Variants in MYLK4 observed in about 807,000 individuals in gnomAD.
The protein encoded by MYLK4 is myosin light chain kinase family member 4.
Under a neutral mutation model 48.1 loss-of-function variants are expected in MYLK4, and 46 were observed. That is an observed-to-expected ratio of 0.96 (90% CI 0.75 to 1.22). MYLK4 has a LOEUF of 1.22. Ranked by LOEUF, MYLK4 falls within the 50% of genes most tolerant of loss-of-function variation. The pLI, the probability that MYLK4 is intolerant of heterozygous loss-of-function variation, is 0.00. For synonymous variants in MYLK4, 170 were observed against 180.8 expected, an observed-to-expected ratio of 0.94 and a Z score of 0.48; for missense variants, 451 against 486.1, an observed-to-expected ratio of 0.93 and a Z score of 0.68.
chr6:2,765,056 C>G, the MYLK4 span, among the ~76,000 whole-genome samples: 1 of 152,132 alleles, frequency 6.6e-6, no homozygotes, highest in African/African-American at 2.4e-5. Context: ...GAAAGCGGCG[C>G]TCGCCGCTCC....
At chr6:2,731,248 T>C (rs1763468919) in intron 2 of MYLK4, among the ~76,000 whole-genome samples, 1 of 146,652 alleles carries the variant, frequency 6.8e-6, no homozygotes, top group Non-Finnish European at 1.5e-5. Context: ...AATGAACTTT[T>C]AGGGGTGACA....
intron 3 of MYLK4, among the ~76,000 whole-genome samples, chr6:2,692,311 T>A (rs1051068630): frequency 1.3e-5 from 2 of 152,212 alleles, no homozygotes; most frequent in Non-Finnish European, 2.9e-5. Context: ...TCTTTTTGTG[T>A]GAAATATGGC....
chr6:2,697,814 G>A (rs766635641), intron 2 of MYLK4, among the ~76,000 whole-genome samples: 32 of 152,190 alleles, frequency 2.1e-4, no homozygotes, highest in Middle Eastern at 3.2e-3. Flanking sequence ...GCTGGCATAC[G>A]GACCCTTCTC....
intron 2 of MYLK4, 31 bp downstream of exon 2, chr6:2,749,105 T>C: frequency 6.3e-7 from 1 of 1,599,662 alleles, no homozygotes; most frequent in South Asian, 1.1e-5. Flanking sequence ...GAATGAATAC[T>C]TTTTAGGAGA....
intron 2 of MYLK4, among the ~76,000 whole-genome samples, chr6:2,721,445 T>C (rs1030495126): frequency 6.6e-6 from 1 of 152,208 alleles, no homozygotes; most frequent in Non-Finnish European, 1.5e-5. Flanking sequence ...GACCAGATTG[T>C]AGGGGATCCA....
At chr6:2,759,052 G>A in the MYLK4 span, among the ~76,000 whole-genome samples, 3 of 152,292 alleles carry the variant, frequency 2.0e-5, no homozygotes, top group Admixed American at 2.0e-4. Context: ...TCTATTGGGT[G>A]TGCAATAGCA....
Position 2,692,815 on chromosome 6 carries a change from G to A in MYLK4, c.204C>T (p.Pro68=), listed in dbSNP as rs55842034. Reference sequence around the variant, plus strand: ...GGGCTGATGTCCTTTTGCTTTTGACGGGCATCCTTTCCGTCAGGTCGGCGT... The same window carrying A: ...GGGCTGATGTCCTTTTGCTTTTGACAGGCATCCTTTCCGTCAGGTCGGCGT... ...WSNADLTERM[P]VKSKRTSALA... Residue 68 remains proline, a synonymous_variant, in exon 3 of 13, where the codon CCC becomes CCT. Transcript: ENST00000274643. 2,746 of 1,613,616 alleles carry A rather than the reference G, an allele frequency of 1.7e-3. 39 individuals are homozygous for A. The African/African-American group carries it at 0.033, about 19-fold the overall frequency.
At chr6:2,708,816 T>G (rs1762578936) in intron 2 of MYLK4, among the ~76,000 whole-genome samples, 1 of 152,204 alleles carries the variant, frequency 6.6e-6, no homozygotes, top group Non-Finnish European at 1.5e-5. Flanking sequence ...TATTCTCTCA[T>G]AGCCTTGAAC....
intron 8 of MYLK4, 101 bp from the exon 9 acceptor site, chr6:2,679,509 G>T: frequency 2.2e-6 from 3 of 1,388,208 alleles, no homozygotes; most frequent in South Asian, 2.3e-5. Context: ...CAGCCATACA[G>T]CAAACTTCAG....
chr6:2,759,719 C>G, the MYLK4 span, among the ~76,000 whole-genome samples: 6 of 152,314 alleles, frequency 3.9e-5, no homozygotes, highest in South Asian at 1.2e-3. Context: ...CCTTTCCCCT[C>G]ATCAATGATG....
chr6:2,763,344 C>G, the MYLK4 span, among the ~76,000 whole-genome samples: 1 of 152,242 alleles, frequency 6.6e-6, no homozygotes, highest in East Asian at 1.9e-4. Context: ...CTGCATTGCT[C>G]AGCTCTGGGG....
At chr6:2,766,895 G>A in the MYLK4 span, among the ~76,000 whole-genome samples, 1 of 151,870 alleles carries the variant, frequency 6.6e-6, no homozygotes, top group Non-Finnish European at 1.5e-5. Flanking sequence ...ATTCTGTTGT[G>A]CTTCCTTCCT....
chr6:2,718,469 TA>T (rs948127778), intron 2 of MYLK4, among the ~76,000 whole-genome samples: 2 of 152,190 alleles, frequency 1.3e-5, no homozygotes, highest in African/African-American at 4.8e-5. Context: ...ATAAAAATTA[TA>T]AAAACCTTTC....
intron 12 of MYLK4, among the ~76,000 whole-genome samples, chr6:2,670,368 A>AAAACAAAC (rs10612556): frequency 0.33 from 50,446 of 150,634 alleles, 8,985 homozygotes; most frequent in Non-Finnish European, 0.37. Flanking sequence ...TCTATCTCAA[A>AAAACAAAC]AAACAAACAA....
chr6:2,763,957 C>T, the MYLK4 span, among the ~76,000 whole-genome samples: 14 of 152,256 alleles, frequency 9.2e-5, no homozygotes, highest in African/African-American at 3.4e-4. Flanking sequence ...GGAAGAAACC[C>T]CGTCTGTACT....
At chr6:2,722,972 T>C (rs1763124388) in intron 2 of MYLK4, among the ~76,000 whole-genome samples, 1 of 152,156 alleles carries the variant, frequency 6.6e-6, no homozygotes, top group Admixed American at 6.5e-5. Flanking sequence ...TACCAGCTTC[T>C]CATATTTTTG....
rs542813212 is a variant in MYLK4 at position 2,672,523 on chromosome 6, T to C, written c.1120-1175A>G. Reference sequence around the variant, plus strand: ...TTGAAGCAAAAGAGACAAATAAAAATATACGAAAGACTCAAAAATAGAATT... The same window carrying C: ...TTGAAGCAAAAGAGACAAATAAAAACATACGAAAGACTCAAAAATAGAATT... On this transcript the variant is annotated intron_variant, in intron 11 of 12. Transcript: ENST00000274643. This position sits in a 1 kb window ranked among gnomAD's most constrained non-coding sequence, Gnocchi z 4.3. 1.3e-5 allele frequency among the ~76,000 whole-genome samples: 2 copies of C among 152,278 alleles called. No homozygotes were observed. Among genetic ancestry groups the C allele is most frequent in the South Asian group, 4.1e-4 (2 of 4,822 alleles).
In MYLK4 at chr6:2,672,025, T is replaced by A. The variant is rs1415272684; in HGVS notation, c.1120-677A>T. Among the ~76,000 whole-genome samples the A allele has an allele frequency of 6.6e-6, 1 of 152,174 alleles. No individual in the cohort carries two copies. Among genetic ancestry groups the A allele is most frequent in the African/African-American group, 2.4e-5 (1 of 41,446 alleles). The stretch of plus-strand genomic sequence containing the variant: ...AAGGTCTGAGCTGTAATTAAGGAAC[T>A]AATGATTTGATAGATTAGGGAAGAG... On this transcript the variant is annotated intron_variant, in intron 11 of 12. Coordinates refer to ENST00000274643, the MANE Select transcript of MYLK4 (RefSeq NM_001012418.5). The surrounding 1 kb of genome is among the most constrained non-coding windows in gnomAD (Gnocchi z 4.3).
chr6:2,762,906 G>A, the MYLK4 span, among the ~76,000 whole-genome samples: 1 of 152,124 alleles, frequency 6.6e-6, no homozygotes, highest in Non-Finnish European at 1.5e-5. Flanking sequence ...AAAGCTACAA[G>A]TCTCCACAGT....
Sources: allele counts gnomAD v4.1 joint callset (sites outside exome capture counted in the v4.1 genomes callset), GRCh38; gene constraint gnomAD v4.1.1; non-coding constraint Gnocchi (gnomAD v3.1); transcripts MANE v1.5; gene names NCBI Gene and HGNC (gene_info 2026-07-23, HGNC 2026-07-21).